SYN3: variants seen among roughly 807,000 people sequenced by gnomAD.
SYN3 encodes synapsin-3.
A neutral mutation model predicts 65.8 loss-of-function variants in SYN3; 35 were observed. That is an observed-to-expected ratio of 0.53 (90% CI 0.41 to 0.70). SYN3 has a LOEUF of 0.70. SYN3 is among the 30% of genes least tolerant of loss of function. SYN3 has a pLI of 0.00. For missense variants in SYN3, 680 were observed against 749.0 expected, an observed-to-expected ratio of 0.91 and a Z score of 1.08; for synonymous variants, 270 against 292.9, an observed-to-expected ratio of 0.92 and a Z score of 0.80.
intron 12 of SYN3, among the ~76,000 whole-genome samples, chr22:32,525,106 A>G (rs1415913656): frequency 1.3e-5 from 2 of 150,726 alleles, no homozygotes; most frequent in Non-Finnish European, 3.0e-5. Context: ...CCTTCTGGAA[A>G]TGATTTACCT....
chr22:32,541,855 CA>C (rs1283591478), intron 7 of SYN3, 142 bp from the exon 8 acceptor site: 1 of 947,480 alleles, frequency 1.1e-6, no homozygotes, highest in Non-Finnish European at 1.6e-6. Context: ...ACACGGGAAG[CA>C]AATCATTCCA....
At chr22:32,970,202 G>A (rs979529107) in intron 3 of SYN3, among the ~76,000 whole-genome samples, 15 of 152,082 alleles carry the variant, frequency 9.9e-5, no homozygotes, top group African/African-American at 2.7e-4. Context: ...AACTATATGC[G>A]CACTTACTAT....
chr22:32,897,221 G>A (rs2049619059), intron 4 of SYN3, among the ~76,000 whole-genome samples: 1 of 152,114 alleles, frequency 6.6e-6, no homozygotes, highest in Non-Finnish European at 1.5e-5. Flanking sequence ...TAAGAGTGCC[G>A]GCAGACCTGT....
intron 6 of SYN3, among the ~76,000 whole-genome samples, chr22:32,809,914 G>A (rs1379412119): frequency 1.3e-5 from 2 of 152,168 alleles, no homozygotes; most frequent in African/African-American, 4.8e-5. Flanking sequence ...CCTGTGGGCA[G>A]GTCCCATGCA....
At chr22:32,639,327 T>G (rs2059863661) in intron 6 of SYN3, among the ~76,000 whole-genome samples, 2 of 152,162 alleles carry the variant, frequency 1.3e-5, no homozygotes, top group Admixed American at 6.6e-5. Context: ...TAGCCAGCTA[T>G]CCCAGTATCA....
chr22:32,973,103 T>C (rs1337056993), intron 3 of SYN3, among the ~76,000 whole-genome samples: 1 of 152,256 alleles, frequency 6.6e-6, no homozygotes, highest in Non-Finnish European at 1.5e-5. Context: ...ACAGTGAATG[T>C]AGGACTGTTG....
chr22:32,568,146 C>T (rs2058699132), intron 7 of SYN3, among the ~76,000 whole-genome samples: 1 of 152,190 alleles, frequency 6.6e-6, no homozygotes, highest in South Asian at 2.1e-4. Context: ...AGAGCTGTGC[C>T]TCTGGGAGGT....
At chr22:32,816,219 G>A (rs1055110349) in intron 6 of SYN3, among the ~76,000 whole-genome samples, 4 of 152,120 alleles carry the variant, frequency 2.6e-5, no homozygotes, top group Non-Finnish European at 4.4e-5. Context: ...GCGGGGGTAG[G>A]GGGGAGGCCA....
At chr22:32,608,595 C>T (rs5754167) in intron 6 of SYN3, among the ~76,000 whole-genome samples, 46,729 of 152,070 alleles carry the variant, frequency 0.31, 7,381 homozygotes, top group South Asian at 0.38. Flanking sequence ...AAAGGCATTT[C>T]ATCTGGTTCA....
At chr22:32,702,195 C>T (rs893887370) in intron 6 of SYN3, among the ~76,000 whole-genome samples, 2 of 152,120 alleles carry the variant, frequency 1.3e-5, no homozygotes, top group African/African-American at 2.4e-5. Context: ...ATAGAAGCAT[C>T]GGCCAGGCGC....
At chr22:32,637,630 CTTTTTTTT>C (rs1185407986) in intron 6 of SYN3, among the ~76,000 whole-genome samples, 53 of 93,542 alleles carry the variant, frequency 5.7e-4, no homozygotes, top group Admixed American at 8.2e-4. Context: ...TTTTCTTTTT[CTTTTTTTT>C]TTTTTTTTTT....
chr22:32,962,889 C>CTA (rs1569360669), intron 3 of SYN3, among the ~76,000 whole-genome samples: 4 of 151,234 alleles, frequency 2.6e-5, no homozygotes, highest in African/African-American at 9.7e-5. Context: ...ACCTATCTCT[C>CTA]TCTATATATA....
chr22:32,760,753 G>A (rs2145717858), intron 6 of SYN3, among the ~76,000 whole-genome samples: 1 of 152,324 alleles, frequency 6.6e-6, no homozygotes, highest in South Asian at 2.1e-4. Flanking sequence ...TGAGGAAAAT[G>A]TCAGCAGGCC....
intron 4 of SYN3, among the ~76,000 whole-genome samples, chr22:32,912,268 G>A (rs2050070762): frequency 6.6e-6 from 1 of 152,166 alleles, no homozygotes; most frequent in African/African-American, 2.4e-5. Context: ...CTGAGGAAAG[G>A]ATGAGCAGAA....
intron 12 of SYN3, among the ~76,000 whole-genome samples, chr22:32,523,755 T>A (rs1195597280): frequency 1.3e-5 from 2 of 152,200 alleles, no homozygotes; most frequent in Admixed American, 6.5e-5. Context: ...TAGAAATGAT[T>A]AAGCTTAGTG....
intron 6 of SYN3, among the ~76,000 whole-genome samples, chr22:32,822,155 C>G (rs1270459946): frequency 9.2e-6 from 1 of 108,322 alleles, no homozygotes; most frequent in South Asian, 3.1e-4. Flanking sequence ...AACTCCATCT[C>G]AAAAAAAAAA....
At chr22:32,534,686 A>C (rs1239035408) in intron 9 of SYN3, among the ~76,000 whole-genome samples, 3 of 152,074 alleles carry the variant, frequency 2.0e-5, no homozygotes, top group Non-Finnish European at 4.4e-5. Flanking sequence ...ACTCTGTGTC[A>C]ATGTTCTTGC....
At chr22:32,886,175 A>G (rs988327579) in intron 4 of SYN3, among the ~76,000 whole-genome samples, 8 of 152,200 alleles carry the variant, frequency 5.3e-5, no homozygotes, top group Non-Finnish European at 1.0e-4. Context: ...ACATGGGTAA[A>G]TTTTAAAAAT....
At chr22:32,974,610 C>G (rs1025891404) in intron 3 of SYN3, among the ~76,000 whole-genome samples, 2 of 152,122 alleles carry the variant, frequency 1.3e-5, no homozygotes, top group African/African-American at 4.8e-5. Flanking sequence ...GAGCAACACA[C>G]AACTGGATCT....
Sources: allele counts gnomAD v4.1 joint callset (sites outside exome capture counted in the v4.1 genomes callset), GRCh38; gene constraint gnomAD v4.1.1; transcripts MANE v1.5; gene names NCBI Gene and HGNC (gene_info 2026-07-23, HGNC 2026-07-21).